Variants in ELMO1 observed in about 807,000 individuals in gnomAD.
ELMO1 encodes the protein engulfment and cell motility 1, also known as engulfment and cell motility protein 1.
A neutral mutation model predicts 98.9 loss-of-function variants in ELMO1; 26 were observed. The observed-to-expected ratio is 0.26, with a 90% confidence interval of 0.19 to 0.36. ELMO1 has a LOEUF of 0.36. Among genes scored for constraint, ELMO1 ranks in the 10% least tolerant of loss-of-function variants. The pLI is 1.00. For synonymous variants in ELMO1, 346 were observed against 346.0 expected, an observed-to-expected ratio of 1.00 and a Z score of 0.00; for missense variants, 627 against 935.2, an observed-to-expected ratio of 0.67 and a Z score of 4.30.
At chr7:36,993,441 T>C (rs76528961) in intron 16 of ELMO1, among the ~76,000 whole-genome samples, 2,683 of 152,304 alleles carry the variant, frequency 0.018, 89 homozygotes, top group African/African-American at 0.062. Flanking sequence ...ACAGGATTGC[T>C]GTTCTTAAAC....
intron 18 of ELMO1, among the ~76,000 whole-genome samples, chr7:36,879,890 T>C (rs994599758): frequency 1.3e-5 from 2 of 152,194 alleles, no homozygotes; most frequent in Non-Finnish European, 2.9e-5. Context: ...TTCACAGACA[T>C]TTAAATTAGG....
chr7:37,126,240 T>C (rs1786505598), intron 14 of ELMO1, among the ~76,000 whole-genome samples: 1 of 150,588 alleles, frequency 6.6e-6, no homozygotes, highest in South Asian at 2.1e-4. Flanking sequence ...GGCACATGTA[T>C]ACATATGTAA....
chr7:37,123,219 T>G (rs559477251), intron 14 of ELMO1, among the ~76,000 whole-genome samples: 6 of 152,006 alleles, frequency 3.9e-5, no homozygotes, highest in African/African-American at 1.4e-4. Context: ...CTTCACAATT[T>G]AAAGAACTAG....
intron 21 of ELMO1, among the ~76,000 whole-genome samples, chr7:36,859,748 G>T (rs1242849463): frequency 1.3e-5 from 2 of 152,166 alleles, no homozygotes; most frequent in South Asian, 2.1e-4. Context: ...AGCATTAATG[G>T]TGCCTGGCAG....
chr7:36,994,790 T>C (rs187891956), intron 16 of ELMO1, among the ~76,000 whole-genome samples: 51 of 152,382 alleles, frequency 3.3e-4, no homozygotes, highest in Non-Finnish European at 3.7e-4. Flanking sequence ...TGCTTAGAAC[T>C]TCCTTCCAGT....
intron 16 of ELMO1, among the ~76,000 whole-genome samples, chr7:36,945,314 A>G (rs1031212968): frequency 1.3e-5 from 2 of 152,058 alleles, no homozygotes; most frequent in African/African-American, 4.8e-5. Flanking sequence ...TTCCTTTTCT[A>G]CTTTCACAAG....
chr7:37,280,095 G>A (rs1305922636), intron 4 of ELMO1, among the ~76,000 whole-genome samples: 2 of 152,180 alleles, frequency 1.3e-5, no homozygotes, highest in African/African-American at 4.8e-5. Context: ...AAAACATAAA[G>A]TGGGGAGAGA....
At chr7:37,241,833 C>T (rs1189445242) in intron 7 of ELMO1, among the ~76,000 whole-genome samples, 3 of 152,106 alleles carry the variant, frequency 2.0e-5, no homozygotes, top group African/African-American at 7.2e-5. Flanking sequence ...ATGTCATAAA[C>T]CCTACCAAAC....
Position 37,112,835 on chromosome 7 carries a change from T to C in ELMO1, c.1192-16108A>G, listed in dbSNP as rs140721835. Among the ~76,000 whole-genome samples the C allele has an allele frequency of 9.5e-3, 1,445 of 152,274 alleles. 28 individuals are homozygous for C. The highest frequency in any genetic ancestry group is 0.032 in the African/African-American group (1,332 of 41,548). On this transcript the variant is annotated intron_variant, in intron 14 of 21. Transcript: ENST00000310758. ...GGGTGCACCAGGTGTACAGCATAGT[T>C]CCTAAGGGGGAAGCTATTTTTAACT...
chr7:37,314,604 T>G (rs916914971), intron 4 of ELMO1, among the ~76,000 whole-genome samples: 4 of 152,198 alleles, frequency 2.6e-5, no homozygotes, highest in Non-Finnish European at 4.4e-5. Flanking sequence ...GAGAGACATA[T>G]TCACTGTTAG....
chr7:37,114,658 G>C (rs1052270433), intron 14 of ELMO1, among the ~76,000 whole-genome samples: 12 of 151,848 alleles, frequency 7.9e-5, no homozygotes, highest in South Asian at 4.2e-4. Flanking sequence ...AAGCAATGGA[G>C]AAAAATATAC....
intron 16 of ELMO1, among the ~76,000 whole-genome samples, chr7:36,926,746 A>C (rs966061025): frequency 2.0e-5 from 3 of 152,182 alleles, no homozygotes; most frequent in Non-Finnish European, 4.4e-5. Context: ...TGATGTTTCC[A>C]TTTAGTAACT....
chr7:37,180,442 A>G (rs1366072822), intron 13 of ELMO1, among the ~76,000 whole-genome samples: 1 of 152,234 alleles, frequency 6.6e-6, no homozygotes, highest in Non-Finnish European at 1.5e-5. Flanking sequence ...CATGGTCTGT[A>G]TTCTCCTAGA....
intron 16 of ELMO1, 48 bp downstream of exon 16, chr7:37,013,251 C>G (rs764280169): frequency 6.2e-7 from 1 of 1,608,144 alleles, no homozygotes; most frequent in Non-Finnish European, 8.5e-7. Flanking sequence ...GCAGCAGGCC[C>G]CTTTAGCGCT....
At chr7:36,871,867 A>T (rs1399362050) in intron 19 of ELMO1, among the ~76,000 whole-genome samples, 1 of 152,168 alleles carries the variant, frequency 6.6e-6, no homozygotes, top group Non-Finnish European at 1.5e-5. Flanking sequence ...AGGTACCCTA[A>T]AATTACTAAC....
intron 18 of ELMO1, among the ~76,000 whole-genome samples, chr7:36,883,805 T>C (rs1033007856): frequency 6.6e-6 from 1 of 152,178 alleles, no homozygotes. Flanking sequence ...TTTATAGTAA[T>C]GCGAGAATGG....
intron 16 of ELMO1, among the ~76,000 whole-genome samples, chr7:36,898,703 T>C (rs1002898111): frequency 2.0e-5 from 3 of 152,226 alleles, no homozygotes. Context: ...GTCTAATCAC[T>C]TCTCCCATCC....
At chr7:37,261,909 T>C (rs1369114577) in intron 5 of ELMO1, among the ~76,000 whole-genome samples, 2 of 152,114 alleles carry the variant, frequency 1.3e-5, no homozygotes, top group Admixed American at 6.6e-5. Context: ...GCTGATTGTG[T>C]TTTTCAACTA....
chr7:36,919,417 C>A, intron 16 of ELMO1: 1 of 530,386 alleles, frequency 1.9e-6, no homozygotes, highest in Non-Finnish European at 3.9e-6. Flanking sequence ...CTCAGAATGG[C>A]TCAGGAGAAG....
Sources: allele counts gnomAD v4.1 joint callset (sites outside exome capture counted in the v4.1 genomes callset), GRCh38; gene constraint gnomAD v4.1.1; transcripts MANE v1.5; gene names NCBI Gene and HGNC (gene_info 2026-07-23, HGNC 2026-07-21).